Variants in WWOX observed in about 807,000 individuals in gnomAD.
WWOX encodes WW domain-containing oxidoreductase.
A neutral mutation model predicts 46.2 loss-of-function variants in WWOX; 69 were observed. That is an observed-to-expected ratio of 1.49 (90% CI 1.23 to 1.82). The LOEUF (loss-of-function observed/expected upper bound fraction) is 1.82, where lower values mean the gene tolerates loss of function less well. WWOX is among the 40% of genes most tolerant of loss of function. The pLI, the probability that WWOX is intolerant of heterozygous loss-of-function variation, is 0.00. For synonymous variants in WWOX, 359 were observed against 202.6 expected, an observed-to-expected ratio of 1.77 and a Z score of -6.56; for missense variants, 919 against 542.6, an observed-to-expected ratio of 1.69 and a Z score of -6.89.
intron 8 of WWOX, among the ~76,000 whole-genome samples, chr16:78,989,038 C>T (rs183407520): frequency 3.9e-5 from 6 of 152,120 alleles, no homozygotes; most frequent in African/African-American, 1.4e-4. Context: ...ATCCTGAGTT[C>T]GATGATTCAG....
chr16:78,311,787 TGGC>T (rs66603853), intron 5 of WWOX, among the ~76,000 whole-genome samples: 85,612 of 151,462 alleles, frequency 0.57, 24,839 homozygotes, highest in East Asian at 0.87. Flanking sequence ...AAAAGCAGCC[TGGC>T]GGGGGGGTAT....
chr16:78,647,927 G>A (rs2046881416), intron 8 of WWOX, among the ~76,000 whole-genome samples: 1 of 152,164 alleles, frequency 6.6e-6, no homozygotes, highest in South Asian at 2.1e-4. Context: ...GGCAACATTA[G>A]TAATCAACTT....
chr16:78,348,428 C>G lies in WWOX; in HGVS notation c.517-38432C>G, dbSNP rs907566573. 1.6e-4 allele frequency among the ~76,000 whole-genome samples: 19 copies of G among 120,806 alleles called. No homozygotes were observed. The East Asian group carries it at 3.7e-3, about 23-fold the overall frequency. 79.3% of individuals were successfully genotyped at this position (120,806 alleles called of 152,430 possible). ...AATAGGAGAAAAAAGATCATAGAGC[C>G]AAAGAGCTCGATACATATACTGATG... On this transcript the variant is annotated intron_variant, in intron 5 of 8. Coordinates refer to ENST00000566780, the MANE Select transcript of WWOX (RefSeq NM_016373.4).
At chr16:79,202,338 G>T (rs1344138740) in intron 8 of WWOX, among the ~76,000 whole-genome samples, 3 of 152,124 alleles carry the variant, frequency 2.0e-5, no homozygotes, top group Non-Finnish European at 4.4e-5. Flanking sequence ...GGGAATGACG[G>T]GACCCTCAGT....
chr16:78,480,859 G>C (rs2084467565), intron 8 of WWOX, among the ~76,000 whole-genome samples: 1 of 152,152 alleles, frequency 6.6e-6, no homozygotes, highest in Non-Finnish European at 1.5e-5. Flanking sequence ...CAGATTATGT[G>C]GTCTGAACTA....
At chr16:78,979,052 TCTC>T (rs1225102432) in intron 8 of WWOX, among the ~76,000 whole-genome samples, 1 of 150,906 alleles carries the variant, frequency 6.6e-6, no homozygotes, top group Admixed American at 6.6e-5. Flanking sequence ...TACGGCCAGG[TCTC>T]CTTCGTCCTC....
At chr16:78,630,417 C>A (rs1567449267) in intron 8 of WWOX, among the ~76,000 whole-genome samples, 1 of 152,150 alleles carries the variant, frequency 6.6e-6, no homozygotes. Flanking sequence ...TACCTGCTTT[C>A]CTTTGTGGAG....
chr16:78,915,185 A>T (rs1431802888), intron 8 of WWOX, among the ~76,000 whole-genome samples: 1 of 151,438 alleles, frequency 6.6e-6, no homozygotes, highest in Non-Finnish European at 1.5e-5. Flanking sequence ...CATTCACTCC[A>T]CCACCACTCA....
At chr16:78,272,638 T>A (rs2079501544) in intron 5 of WWOX, among the ~76,000 whole-genome samples, 1 of 152,206 alleles carries the variant, frequency 6.6e-6, no homozygotes, top group African/African-American at 2.4e-5. Flanking sequence ...AACTCCAAAC[T>A]TTCTGATGAT....
At chr16:78,988,815 C>G (rs758710773) in intron 8 of WWOX, among the ~76,000 whole-genome samples, 1 of 152,126 alleles carries the variant, frequency 6.6e-6, no homozygotes, top group Non-Finnish European at 1.5e-5. Context: ...CTTTCTCAGC[C>G]GTGGCTTGTG....
intron 5 of WWOX, among the ~76,000 whole-genome samples, chr16:78,313,978 G>A (rs2080302900): frequency 6.6e-6 from 1 of 152,144 alleles, no homozygotes; most frequent in South Asian, 2.1e-4. Context: ...AGGTCGAGTC[G>A]AAATCCTGGC....
At chr16:78,533,975 C>G (rs1418287912) in intron 8 of WWOX, among the ~76,000 whole-genome samples, 4 of 152,018 alleles carry the variant, frequency 2.6e-5, no homozygotes, top group East Asian at 1.9e-4. Context: ...CTAGCGTAGG[C>G]AAATATTCTA....
chr16:78,608,883 C>G (rs1361536472), intron 8 of WWOX, among the ~76,000 whole-genome samples: 1 of 152,130 alleles, frequency 6.6e-6, no homozygotes, highest in Non-Finnish European at 1.5e-5. Context: ...AATCTGGGCA[C>G]ATGAATGGTC....
chr16:78,453,837 T>G (rs959480268), intron 8 of WWOX, among the ~76,000 whole-genome samples: 5 of 152,164 alleles, frequency 3.3e-5, no homozygotes, highest in African/African-American at 4.8e-5. Flanking sequence ...AAACCATTTT[T>G]TTTTATTTTA....
intron 8 of WWOX, among the ~76,000 whole-genome samples, chr16:78,956,139 G>A (rs2046161965): frequency 6.6e-6 from 1 of 151,684 alleles, no homozygotes; most frequent in Non-Finnish European, 1.5e-5. Flanking sequence ...TATTTGTTTA[G>A]GTTTTGGGGG....
chr16:79,131,410 G>A (rs2049875877), intron 8 of WWOX, among the ~76,000 whole-genome samples: 1 of 151,660 alleles, frequency 6.6e-6, no homozygotes, highest in Non-Finnish European at 1.5e-5. Context: ...GATTCGGAGG[G>A]AAAAAAAATG....
At chr16:78,376,050 A>C (rs2081816190) in intron 5 of WWOX, among the ~76,000 whole-genome samples, 1 of 152,076 alleles carries the variant, frequency 6.6e-6, no homozygotes, top group Admixed American at 6.6e-5. Flanking sequence ...GGGTTTCACC[A>C]TCATGGCCAG....
At chr16:78,639,447 G>C (rs2046651160) in intron 8 of WWOX, among the ~76,000 whole-genome samples, 1 of 152,208 alleles carries the variant, frequency 6.6e-6, no homozygotes, top group Non-Finnish European at 1.5e-5. Flanking sequence ...GAAAGTAAGA[G>C]TGTTTGAGAT....
intron 8 of WWOX, among the ~76,000 whole-genome samples, chr16:79,157,830 G>A (rs2050411332): frequency 6.6e-6 from 1 of 152,174 alleles, no homozygotes; most frequent in Non-Finnish European, 1.5e-5. Flanking sequence ...CTGTGGGGAG[G>A]ACTGAACGAG....
Sources: gnomAD v4.1 joint callset for allele counts (sites outside exome capture counted in the v4.1 genomes callset) on GRCh38, gnomAD v4.1.1 for gene constraint, MANE v1.5 for transcripts, NCBI Gene and HGNC (gene_info 2026-07-23, HGNC 2026-07-21) for gene names.